Variants in C1orf122 observed in about 807,000 individuals in gnomAD.
C1orf122 encodes uncharacterized protein C1orf122.
In C1orf122, 12 loss-of-function variants were observed where a neutral mutation model predicts 12.9. The ratio of observed to expected loss-of-function variants is 0.93; its 90% CI spans 0.60 to 1.51. The LOEUF is 1.51. C1orf122 is among the 40% of genes most tolerant of loss of function. The pLI is 0.00. For synonymous variants in C1orf122, 57 were observed against 73.4 expected (o/e 0.78, Z 1.14); for missense variants, 144 against 162.1 (o/e 0.89, Z 0.61).
At position 37,807,890 on chromosome 1, in the gene C1orf122, C is replaced by G. The variant is rs768738828; in HGVS notation, c.-515C>G. On this transcript the variant is annotated 5_prime_UTR_variant, in exon 1 of 3. Coordinates refer to ENST00000373042, the MANE Select transcript of C1orf122 (RefSeq NM_198446.3). The stretch of plus-strand genomic sequence containing the variant: ...CAGCGCGCAGAGCCGCCGAGCAGCT[C>G]GCCGCGCAGGCCAGGCCGTACAGCG... The G allele has an allele frequency of 8.3e-6, 12 of 1,451,426 alleles. No homozygotes were observed. The highest frequency in any genetic ancestry group is 9.1e-6 in the Non-Finnish European group (10 of 1,099,412). The allele number at this position is 1,451,426 out of a possible 1,614,324, so 89.9% of individuals were successfully genotyped here. A position where few individuals can be genotyped will look rare whatever the true frequency, so the allele number is the denominator to read the frequency against.
chr1:37,807,885 C>A lies in C1orf122; in HGVS notation c.-520C>A. The A allele has an allele frequency of 1.4e-6, 2 of 1,455,206 alleles. No individual in the cohort carries two copies. The highest frequency in any genetic ancestry group is 2.9e-5 in the East Asian group (1 of 34,040). 90.1% of individuals were successfully genotyped at this position (1,455,206 alleles called of 1,614,324 possible). On this transcript the variant is annotated 5_prime_UTR_variant, in exon 1 of 3. Transcript: ENST00000373042. ...GTACACAGCGCGCAGAGCCGCCGAG[C>A]AGCTCGCCGCGCAGGCCAGGCCGTA...
Position 37,807,946 on chromosome 1 carries a change from C to G in C1orf122, c.-459C>G. 2.4e-6 allele frequency: 3 copies of G among 1,232,200 alleles called. No individual in the cohort carries two copies. The highest frequency in any genetic ancestry group is 4.3e-5 in the Admixed American group (1 of 23,392). The allele number at this position is 1,232,200 out of a possible 1,614,324, so 76.3% of individuals were successfully genotyped here. ...GTGGGGACGGCCACCACGGCGCCGG[C>G]GCGCAGCTCGGCCACGGCGGCCCGC... On this transcript the variant is annotated 5_prime_UTR_variant, in exon 1 of 3. Transcript: ENST00000373042.
Position 37,808,329 on chromosome 1 carries a change from C to T in C1orf122, c.-76C>T. On this transcript the variant is annotated 5_prime_UTR_variant, in exon 1 of 3. Coordinates refer to ENST00000373042, the MANE Select transcript of C1orf122 (RefSeq NM_198446.3). The stretch of plus-strand genomic sequence containing the variant: ...CCGGTGGGGACGGGGCGGGGCGCAG[C>T]CTTGCGAAGCCCTAACGCAGCGCTG... 7.8e-7 allele frequency: 1 copy of T among 1,281,430 alleles called. No individual in the cohort carries two copies. The highest frequency in any genetic ancestry group is 9.9e-7 in the Non-Finnish European group (1 of 1,014,976). The allele number at this position is 1,281,430 out of a possible 1,614,324, so 79.4% of individuals were successfully genotyped here.
At position 37,809,196 on chromosome 1, in the gene C1orf122, C is replaced by A; in HGVS notation, c.*123C>A. On this transcript the variant is annotated 3_prime_UTR_variant, in exon 3 of 3. Coordinates refer to ENST00000373042, the MANE Select transcript of C1orf122 (RefSeq NM_198446.3). Reference sequence around the variant, plus strand: ...CAGTGGCTGGTACTTGGCTCTCAGCCTGGAGTGGCAGCTCTGCTAGCAGCT... The same window carrying A: ...CAGTGGCTGGTACTTGGCTCTCAGCATGGAGTGGCAGCTCTGCTAGCAGCT... The A allele has an allele frequency of 8.6e-7, 1 of 1,167,586 alleles. No individual in the cohort carries two copies. The highest frequency in any genetic ancestry group is 1.3e-6 in the Non-Finnish European group (1 of 772,774). The allele number at this position is 1,167,586 out of a possible 1,614,324, so 72.3% of individuals were successfully genotyped here.
rs1306570825 is a variant in C1orf122 at position 37,808,213 on chromosome 1, C to G, written c.-192C>G. On this transcript the variant is annotated 5_prime_UTR_variant, in exon 1 of 3. Transcript: ENST00000373042. ...GGCCCGCTTCCGGGAGGAAGTGACG[C>G]TCCCAGCCAGCTTCCGGTCCAGGAG... The G allele has an allele frequency of 7.1e-7, 1 of 1,406,434 alleles. No homozygotes were observed. The allele number at this position is 1,406,434 out of a possible 1,614,324, so 87.1% of individuals were successfully genotyped here.
chr1:37,809,132 TG>T lies in C1orf122; in HGVS notation c.*60del. 1 of 1,571,158 alleles carries T rather than the reference TG, an allele frequency of 6.4e-7. No homozygotes were observed. Among genetic ancestry groups the T allele is most frequent in the Non-Finnish European group, 8.8e-7 (1 of 1,140,820 alleles). Reference sequence around the variant, plus strand: ...CTCCCCAGGGCCGGTGGCTGGACTCTGAACAACTCCCTTCAGTAAAGGGGCC... The same window carrying T: ...CTCCCCAGGGCCGGTGGCTGGACTCTAACAACTCCCTTCAGTAAAGGGGCC... On this transcript the variant is annotated 3_prime_UTR_variant, in exon 3 of 3. Transcript: ENST00000373042.
At position 37,808,520 on chromosome 1, in the gene C1orf122, CT is replaced by C. The variant is rs1646760741; in HGVS notation, c.36-10del. 2.3e-6 allele frequency: 3 copies of C among 1,299,540 alleles called. No homozygotes were observed. The South Asian group carries it at 7.0e-5, about 31-fold the overall frequency. The allele number at this position is 1,299,540 out of a possible 1,614,324, so 80.5% of individuals were successfully genotyped here. ...GCCCTGACCGTCTGTCTCTCGCTCT[CT>C]CCCGGGCAGGGAGGCTGCCGGCGTG... On this transcript the variant is annotated splice_polypyrimidine_tract_variant and intron_variant, in intron 1 of 2. Transcript: ENST00000373042.
Position 37,809,093 on chromosome 1 carries a change from C to T in C1orf122, c.*20C>T, listed in dbSNP as rs182686103. On this transcript the variant is annotated 3_prime_UTR_variant, in exon 3 of 3. Transcript: ENST00000373042. ...CCCTGACCATCCCCGAGCAGAATAC[C>T]CTGACTTCTCTCCCTCCCCAGGGCC... 129 of 1,613,012 alleles carry T rather than the reference C, an allele frequency of 8.0e-5. 2 individuals carry two copies. Among genetic ancestry groups the T allele is most frequent in the South Asian group, 3.3e-4 (30 of 91,058 alleles).
In C1orf122 at chr1:37,809,343, C is replaced by G; in HGVS notation, c.*270C>G. The G allele has an allele frequency of 1.8e-6, 1 of 542,070 alleles. No individual in the cohort carries two copies. Among genetic ancestry groups the G allele is most frequent in the Non-Finnish European group, 3.4e-6 (1 of 295,892 alleles). The allele number at this position is 542,070 out of a possible 1,614,324, so 33.6% of individuals were successfully genotyped here. ...GCAGTGCTCGCCAGAGTGGTCTGGC[C>G]TGCTATGGGGGATCCAGGTGGTGTT... is the stretch of plus-strand genomic sequence containing the variant. On this transcript the variant is annotated 3_prime_UTR_variant, in exon 3 of 3. Coordinates refer to ENST00000373042, the MANE Select transcript of C1orf122 (RefSeq NM_198446.3).
rs1030480516 is a variant in C1orf122, at chr1:37,809,003, C to T, written c.263C>T (p.Pro88Leu). 2 of 1,613,588 alleles carry T rather than the reference C, an allele frequency of 1.2e-6. No homozygotes were observed. Among genetic ancestry groups the T allele is most frequent in the Admixed American group, 3.3e-5 (2 of 60,018 alleles). Residue 88 changes from proline to leucine, a missense_variant, in exon 3 of 3, where the codon CCC (proline) becomes CTC (leucine). Physicochemically the swap from Pro to Leu is moderately conservative, Grantham distance 98. Coordinates refer to ENST00000373042, the MANE Select transcript of C1orf122 (RefSeq NM_198446.3). The part of the protein sequence containing the change: ...GGNVSAKPGA[P>L]PQPAVSARGG... ...AACGTCTCAGCCAAACCTGGAGCGC[C>T]CCCCCAGCCGGCTGTCTCCGCCAGA...
In C1orf122 at chr1:37,809,017, G is replaced by C. The variant is rs1646766173; in HGVS notation, c.277G>C (p.Val93Leu). Residue 93 changes from valine (V) to leucine (L), a missense_variant, in exon 3 of 3, where the codon GTC becomes CTC. Coordinates refer to ENST00000373042, the MANE Select transcript of C1orf122 (RefSeq NM_198446.3). ...ACCTGGAGCGCCCCCCCAGCCGGCT[G>C]TCTCCGCCAGAGGCGGCTTTCCAAA... ...AKPGAPPQPA[V>L]SARGGFPKDA... is the part of the protein sequence containing the mutation. The C allele has an allele frequency of 1.2e-6, 2 of 1,613,802 alleles. No homozygotes were observed. Among genetic ancestry groups the C allele is most frequent in the Non-Finnish European group, 1.7e-6 (2 of 1,180,036 alleles).
At position 37,808,710 on chromosome 1, in the gene C1orf122, G is replaced by T; in HGVS notation, c.215G>T (p.Arg72Leu). 7.0e-7 allele frequency: 1 copy of T among 1,424,784 alleles called. No individual in the cohort carries two copies. Among genetic ancestry groups the T allele is most frequent in the Non-Finnish European group, 9.1e-7 (1 of 1,101,696 alleles). The allele number at this position is 1,424,784 out of a possible 1,614,324, so 88.3% of individuals were successfully genotyped here. The change falls in exon 2 of 3, where the codon CGC (arginine) becomes CTC (leucine). Residue 72 changes from arginine (R) to leucine (L), a missense_variant. Coordinates refer to ENST00000373042, the MANE Select transcript of C1orf122 (RefSeq NM_198446.3). ...ATGTTACGGCAGCTGGGCCGCCGGC[G>T]CCCGGAGCCGGCTGGTGGCGGGGTT... is the stretch of plus-strand genomic sequence containing the variant. ...EEMLRQLGRRRPEPAGGGNVS... is the reference protein window; with the variant it reads ...EEMLRQLGRRLPEPAGGGNVS...
intron 1 of C1orf122, 45 bp downstream of exon 1, chr1:37,808,484 C>T: frequency 7.8e-7 from 1 of 1,279,072 alleles, no homozygotes; most frequent in Non-Finnish European, 9.9e-7. Context: ...CTTGGCCCCG[C>T]GCAAGCGCCG....
Position 37,807,959 on chromosome 1 carries a change from C to A in C1orf122, c.-446C>A. 8.2e-7 allele frequency: 1 copy of A among 1,222,274 alleles called. No homozygotes were observed. Among genetic ancestry groups the A allele is most frequent in the East Asian group, 3.2e-5 (1 of 30,812 alleles). 75.7% of individuals were successfully genotyped at this position (1,222,274 alleles called of 1,614,324 possible). ...CCACGGCGCCGGCGCGCAGCTCGGC[C>A]ACGGCGGCCCGCAGCGCCTCGGTCC... On this transcript the variant is annotated 5_prime_UTR_variant, in exon 1 of 3. Coordinates refer to ENST00000373042, the MANE Select transcript of C1orf122 (RefSeq NM_198446.3).
At position 37,809,252 on chromosome 1, in the gene C1orf122, G is replaced by A. The variant is rs770917539; in HGVS notation, c.*179G>A. On this transcript the variant is annotated 3_prime_UTR_variant, in exon 3 of 3. Coordinates refer to ENST00000373042, the MANE Select transcript of C1orf122 (RefSeq NM_198446.3). Reference sequence around the variant, plus strand: ...CACTCCCACTTCATCCTGGCTGAAAGCAGTGCTGTGCTTTGAAATGCAGCC... The same window carrying A: ...CACTCCCACTTCATCCTGGCTGAAAACAGTGCTGTGCTTTGAAATGCAGCC... 1.2e-6 allele frequency: 1 copy of A among 815,052 alleles called. No homozygotes were observed. Among genetic ancestry groups the A allele is most frequent in the Non-Finnish European group, 2.2e-6 (1 of 457,242 alleles). The allele number at this position is 815,052 out of a possible 1,614,324, so 50.5% of individuals were successfully genotyped here.
Position 37,807,980 on chromosome 1 carries a change from G to C in C1orf122, c.-425G>C. 8.3e-7 allele frequency: 1 copy of C among 1,206,144 alleles called. No homozygotes were observed. Among genetic ancestry groups the C allele is most frequent in the Non-Finnish European group, 1.0e-6 (1 of 972,246 alleles). 74.7% of individuals were successfully genotyped at this position (1,206,144 alleles called of 1,614,324 possible). ...CGGCCACGGCGGCCCGCAGCGCCTC[G>C]GTCCAGCCGGCGCGCTCCGGGCTCG... On this transcript the variant is annotated 5_prime_UTR_variant, in exon 1 of 3. Coordinates refer to ENST00000373042, the MANE Select transcript of C1orf122 (RefSeq NM_198446.3).
At position 37,808,396 on chromosome 1, in the gene C1orf122, C is replaced by A; in HGVS notation, c.-9C>A. 1 of 1,288,044 alleles carries A rather than the reference C, an allele frequency of 7.8e-7. No individual in the cohort carries two copies. The highest frequency in any genetic ancestry group is 9.8e-7 in the Non-Finnish European group (1 of 1,019,232). 79.8% of individuals were successfully genotyped at this position (1,288,044 alleles called of 1,614,324 possible). A position where few individuals can be genotyped will look rare whatever the true frequency, so the allele number is the denominator to read the frequency against. On this transcript the variant is annotated 5_prime_UTR_variant, in exon 1 of 3. Coordinates refer to ENST00000373042, the MANE Select transcript of C1orf122 (RefSeq NM_198446.3). Reference sequence around the variant, plus strand: ...AAAGGGGGGCGGTGGTCGGGCCGCGCAAGCGGAGATGGAATGGGGCCCGGG... The same window carrying A: ...AAAGGGGGGCGGTGGTCGGGCCGCGAAAGCGGAGATGGAATGGGGCCCGGG...
chr1:37,807,829 G>A lies in C1orf122; in HGVS notation c.-576G>A, dbSNP rs1246657791. ...GCCACGCGGCCGAGGCATACGGCCA[G>A]AGGCTTGGCCTCGCTGCGACCCTTG... On this transcript the variant is annotated 5_prime_UTR_variant, in exon 1 of 3. Coordinates refer to ENST00000373042, the MANE Select transcript of C1orf122 (RefSeq NM_198446.3). The A allele has an allele frequency of 3.3e-6, 5 of 1,511,658 alleles. No individual in the cohort carries two copies. The highest frequency in any genetic ancestry group is 4.4e-6 in the Non-Finnish European group (5 of 1,135,028). 93.6% of individuals were successfully genotyped at this position (1,511,658 alleles called of 1,614,324 possible).
chr1:37,808,102 A>G lies in C1orf122; in HGVS notation c.-303A>G, dbSNP rs2148392514. On this transcript the variant is annotated 5_prime_UTR_variant, in exon 1 of 3. Coordinates refer to ENST00000373042, the MANE Select transcript of C1orf122 (RefSeq NM_198446.3). ...GGGCGGAAGAGGCGACCGCTCCGGGAGCCAGCAGGCCCCTCGCTCAACCCC... is the reference window on the plus strand; with the variant it reads ...GGGCGGAAGAGGCGACCGCTCCGGGGGCCAGCAGGCCCCTCGCTCAACCCC... 1 of 1,423,376 alleles carries G rather than the reference A, an allele frequency of 7.0e-7. No homozygotes were observed. The highest frequency in any genetic ancestry group is 9.2e-7 in the Non-Finnish European group (1 of 1,092,410). 88.2% of individuals were successfully genotyped at this position (1,423,376 alleles called of 1,614,324 possible).
Sources: allele counts gnomAD v4.1 joint callset, GRCh38; gene constraint gnomAD v4.1.1; transcripts MANE v1.5; gene names NCBI Gene and HGNC (gene_info 2026-07-23, HGNC 2026-07-21).